CAMTA1: variants seen among roughly 807,000 people sequenced by gnomAD.
The protein encoded by CAMTA1 is calmodulin binding transcription activator 1.
Under a neutral mutation model 170.9 loss-of-function variants are expected in CAMTA1, and 27 were observed. The observed-to-expected ratio is 0.16, with a 90% confidence interval of 0.12 to 0.22. The LOEUF (loss-of-function observed/expected upper bound fraction) is 0.22, where lower values mean the gene tolerates loss of function less well. Ranked by LOEUF, CAMTA1 falls within the 10% of genes least tolerant of loss-of-function variation. The pLI, the probability that CAMTA1 is intolerant of heterozygous loss-of-function variation, is 1.00. For missense variants in CAMTA1, 1,619 were observed against 2,217.2 expected, an observed-to-expected ratio of 0.73 and a Z score of 5.42; for synonymous variants, 833 against 891.5, an observed-to-expected ratio of 0.93 and a Z score of 1.17.
intron 3 of CAMTA1, among the ~76,000 whole-genome samples, chr1:6,894,464 C>T (rs1205755320): frequency 6.6e-6 from 1 of 152,198 alleles, no homozygotes; most frequent in Non-Finnish European, 1.5e-5. Flanking sequence ...AAGATTTGCT[C>T]AAATGTATTT....
Position 7,092,086 on chromosome 1 carries a change from A to G in CAMTA1, c.302+715A>G, listed in dbSNP as rs947787095. Reference sequence around the variant, plus strand: ...TTACAATCTAGAGCTTCGGAAATACATGGCCACTCTCTTCCAATTGCCGTA... The same window carrying G: ...TTACAATCTAGAGCTTCGGAAATACGTGGCCACTCTCTTCCAATTGCCGTA... On this transcript the variant is annotated intron_variant, in intron 4 of 22. Transcript: ENST00000303635. This position sits in a 1 kb window ranked among gnomAD's most constrained non-coding sequence, Gnocchi z 5.0. 2.0e-5 allele frequency among the ~76,000 whole-genome samples: 3 copies of G among 152,216 alleles called. No individual in the cohort carries two copies. Among genetic ancestry groups the G allele is most frequent in the African/African-American group, 4.8e-5 (2 of 41,458 alleles).
chr1:7,660,444 G>A (rs1336585201), intron 7 of CAMTA1, among the ~76,000 whole-genome samples: 4 of 152,184 alleles, frequency 2.6e-5, no homozygotes, highest in Admixed American at 6.5e-5. Flanking sequence ...AGGCTGAGGC[G>A]GGAGGATCAC....
At chr1:7,398,219 A>T (rs1321665584) in intron 5 of CAMTA1, among the ~76,000 whole-genome samples, 1 of 119,268 alleles carries the variant, frequency 8.4e-6, no homozygotes, top group Non-Finnish European at 1.8e-5. Context: ...ATATATATAT[A>T]TATATATATA....
chr1:7,132,214 C>T (rs1645302401), intron 4 of CAMTA1, among the ~76,000 whole-genome samples: 1 of 152,192 alleles, frequency 6.6e-6, no homozygotes, highest in African/African-American at 2.4e-5. Context: ...ATTAGGATTG[C>T]TTTGAATGTA....
At chr1:7,428,348 T>C (rs2091973716) in intron 5 of CAMTA1, among the ~76,000 whole-genome samples, 1 of 151,878 alleles carries the variant, frequency 6.6e-6, no homozygotes, top group Admixed American at 6.5e-5. Context: ...GTATCTGTTG[T>C]ATGAATGGGA....
intron 6 of CAMTA1, among the ~76,000 whole-genome samples, chr1:7,627,089 G>T (rs2095638908): frequency 6.6e-6 from 1 of 152,176 alleles, no homozygotes; most frequent in South Asian, 2.1e-4. Context: ...TGGATGGGGT[G>T]TCTGTCTCTT....
chr1:6,787,788 G>T (rs945287183), intron 1 of CAMTA1, among the ~76,000 whole-genome samples: 1 of 152,196 alleles, frequency 6.6e-6, no homozygotes, highest in African/African-American at 2.4e-5. Flanking sequence ...CATACGCATC[G>T]CAACTTTGGC....
chr1:7,078,188 AT>A (rs1360949607), intron 3 of CAMTA1, among the ~76,000 whole-genome samples: 9 of 152,258 alleles, frequency 5.9e-5, no homozygotes, highest in Admixed American at 2.0e-4. Flanking sequence ...TTCTACGCAC[AT>A]AGAATCCTGC....
intron 3 of CAMTA1, among the ~76,000 whole-genome samples, chr1:6,910,633 A>G (rs1679495834): frequency 6.6e-6 from 1 of 152,162 alleles, no homozygotes; most frequent in African/African-American, 2.4e-5. Flanking sequence ...ACATGTCACT[A>G]TCTGGGAAGG....
intron 3 of CAMTA1, among the ~76,000 whole-genome samples, chr1:6,914,011 G>A (rs1490818996): frequency 6.6e-6 from 1 of 151,788 alleles, no homozygotes; most frequent in East Asian, 1.9e-4. Flanking sequence ...GGGACACTGG[G>A]CACAAACACA....
At chr1:7,320,094 C>A (rs1678147980) in intron 5 of CAMTA1, among the ~76,000 whole-genome samples, 1 of 152,156 alleles carries the variant, frequency 6.6e-6, no homozygotes, top group Admixed American at 6.5e-5. Flanking sequence ...GCTTTGATTT[C>A]TTTTTCTTGC....
chr1:7,410,304 G>C (rs2090620330), intron 5 of CAMTA1, among the ~76,000 whole-genome samples: 2 of 152,228 alleles, frequency 1.3e-5, no homozygotes, highest in African/African-American at 4.8e-5. Context: ...TGGTGGACAT[G>C]GGGCCCAGGG....
chr1:7,642,881 C>A lies in CAMTA1; in HGVS notation c.664+2328C>A, dbSNP rs1188759402. Among the ~76,000 whole-genome samples, 1 of 152,146 alleles carries A rather than the reference C, an allele frequency of 6.6e-6. No homozygotes were observed. Among genetic ancestry groups the A allele is most frequent in the Non-Finnish European group, 1.5e-5 (1 of 68,006 alleles). The stretch of plus-strand genomic sequence containing the variant: ...GCTCAGCTCCTCCACCCCTGCACAC[C>A]ATGTCCAAGGGGCTGAGGCTGCCAG... On this transcript the variant is annotated intron_variant, in intron 7 of 22. Coordinates refer to ENST00000303635, the MANE Select transcript of CAMTA1 (RefSeq NM_015215.4). The surrounding 1 kb of genome is among the most constrained non-coding windows in gnomAD (Gnocchi z 6.3).
chr1:7,763,415 T>A (rs1156616752), intron 22 of CAMTA1, among the ~76,000 whole-genome samples: 1 of 152,188 alleles, frequency 6.6e-6, no homozygotes, highest in Non-Finnish European at 1.5e-5. Flanking sequence ...GCCTGGAAAA[T>A]ATATCTGAAA....
At chr1:7,151,648 C>G (rs1225044504) in intron 4 of CAMTA1, among the ~76,000 whole-genome samples, 6 of 152,224 alleles carry the variant, frequency 3.9e-5, no homozygotes, top group African/African-American at 1.4e-4. Context: ...GACAGGGACC[C>G]CCAGTGCTTC....
chr1:7,724,771 C>T (rs528630291), intron 11 of CAMTA1, among the ~76,000 whole-genome samples: 34 of 144,810 alleles, frequency 2.3e-4, no homozygotes, highest in Non-Finnish European at 3.9e-4. Context: ...TGCAGTGAGC[C>T]GAGATCGCAC....
chr1:6,805,008 T>C (rs1257190817), intron 1 of CAMTA1, among the ~76,000 whole-genome samples: 1 of 152,258 alleles, frequency 6.6e-6, no homozygotes, highest in Non-Finnish European at 1.5e-5. Context: ...AGCTTTTATA[T>C]GGACATATGT....
chr1:7,016,841 G>A (rs12041839), intron 3 of CAMTA1, among the ~76,000 whole-genome samples: 58,497 of 147,250 alleles, frequency 0.4, 11,730 homozygotes, highest in African/African-American at 0.52. Flanking sequence ...CTCAAAAGAA[G>A]AAAAAAAAAA....
At chr1:7,457,921 C>G (rs1335223700) in intron 5 of CAMTA1, among the ~76,000 whole-genome samples, 1 of 152,158 alleles carries the variant, frequency 6.6e-6, no homozygotes, top group Non-Finnish European at 1.5e-5. Flanking sequence ...ACCCAGATAC[C>G]CAGGGGAGGA....
Sources: gnomAD v4.1 joint callset for allele counts (sites outside exome capture counted in the v4.1 genomes callset) on GRCh38, gnomAD v4.1.1 for gene constraint, Gnocchi (gnomAD v3.1) non-coding constraint, MANE v1.5 for transcripts, NCBI Gene and HGNC (gene_info 2026-07-23, HGNC 2026-07-21) for gene names.